Variants in DIP2B observed in about 807,000 individuals in gnomAD.
The protein encoded by DIP2B is DIP2 acetate--CoA ligase B (putative).
DIP2B carries 76 observed loss-of-function variants against 198.0 expected under a neutral mutation model. That is an observed-to-expected ratio of 0.38 (90% confidence interval 0.32 to 0.46). The LOEUF is 0.46. DIP2B is among the 20% of genes least tolerant of loss of function. DIP2B has a pLI of 0.99. For synonymous variants in DIP2B, 701 were observed against 739.1 expected (o/e 0.95, Z 0.84); for missense variants, 1,559 against 1,978.4 (o/e 0.79, Z 4.02).
At chr12:50,549,504 G>A (rs1282228202) in intron 1 of DIP2B, among the ~76,000 whole-genome samples, 1 of 149,284 alleles carries the variant, frequency 6.7e-6, no homozygotes, top group East Asian at 2.0e-4. Flanking sequence ...CACTCCAGCT[G>A]GGTGACAGAG....
At chr12:50,588,703 A>G (rs527351857) in intron 1 of DIP2B, among the ~76,000 whole-genome samples, 5 of 152,244 alleles carry the variant, frequency 3.3e-5, no homozygotes, top group African/African-American at 9.6e-5. Flanking sequence ...GCTGGATTCT[A>G]TATTTACAGC....
rs182626674 is a variant in DIP2B, at chr12:50,546,224, G to A, written c.100+40984G>A. On this transcript the variant is annotated intron_variant, in intron 1 of 37. Coordinates refer to ENST00000301180, the MANE Select transcript of DIP2B (RefSeq NM_173602.3). ...GTTGGTCCTGCTGTTCAGAAATATC[G>A]TTAACTAGTATCAAGTGAGAGGCGG... Among the ~76,000 whole-genome samples, 106 of 152,320 alleles carry A rather than the reference G, an allele frequency of 7.0e-4. 1 individual carries two copies. The highest frequency in any genetic ancestry group is 6.8e-3 in the Middle Eastern group (2 of 294).
intron 1 of DIP2B, among the ~76,000 whole-genome samples, chr12:50,582,644 C>T (rs1350821980): frequency 1.3e-5 from 2 of 152,106 alleles, no homozygotes; most frequent in African/African-American, 2.4e-5. Flanking sequence ...TATGGTGAAT[C>T]TCCATGTACC....
At chr12:50,605,544 C>G (rs1237841741) in intron 1 of DIP2B, among the ~76,000 whole-genome samples, 1 of 152,158 alleles carries the variant, frequency 6.6e-6, no homozygotes, top group Non-Finnish European at 1.5e-5. Context: ...GCCCGGTCAA[C>G]AGAGTGAGAC....
chr12:50,706,651 T>G lies in DIP2B; in HGVS notation c.2520T>G (p.Thr840=), dbSNP rs763105712. ...GATTGGCTGTAGAATCAATAAAGAC[T>G]GTTTATAGAGGAAGGTGAGTAGTAC... ...ATGLAVESIK[T]VYRGRIAVFS... is the part of the protein sequence containing the mutation. The change falls in exon 21 of 38, where the codon ACT becomes ACG. Residue 840 remains threonine, a synonymous_variant. Coordinates refer to ENST00000301180, the MANE Select transcript of DIP2B (RefSeq NM_173602.3). 2 of 1,614,020 alleles carry G rather than the reference T, an allele frequency of 1.2e-6. No homozygotes were observed. The highest frequency in any genetic ancestry group is 3.3e-4 in the Middle Eastern group (2 of 6,060).
intron 1 of DIP2B, among the ~76,000 whole-genome samples, chr12:50,531,640 C>T (rs900615884): frequency 6.6e-5 from 10 of 152,072 alleles, no homozygotes; most frequent in Non-Finnish European, 1.3e-4. Flanking sequence ...GCACTGCAGC[C>T]TGTTGAAAGT....
chr12:50,533,436 A>G (rs1348817257), intron 1 of DIP2B, among the ~76,000 whole-genome samples: 1 of 152,102 alleles, frequency 6.6e-6, no homozygotes, highest in African/African-American at 2.4e-5. Context: ...GCGTCGAACT[A>G]GAGTTTTGGC....
At chr12:50,658,587 A>G (rs1159950421) in intron 3 of DIP2B, among the ~76,000 whole-genome samples, 1 of 152,164 alleles carries the variant, frequency 6.6e-6, no homozygotes, top group Non-Finnish European at 1.5e-5. Context: ...ATAATTAGAC[A>G]TGTGCTAAGG....
intron 1 of DIP2B, among the ~76,000 whole-genome samples, chr12:50,516,608 G>A (rs1958067749): frequency 6.6e-6 from 1 of 151,916 alleles, no homozygotes; most frequent in African/African-American, 2.4e-5. Flanking sequence ...GGAATTTTTG[G>A]GGGACACTGA....
intron 3 of DIP2B, among the ~76,000 whole-genome samples, chr12:50,646,823 A>G (rs1251907038): frequency 6.6e-6 from 1 of 152,090 alleles, no homozygotes; most frequent in Non-Finnish European, 1.5e-5. Context: ...CTAATTGTGA[A>G]CTTTTCTGTC....
At chr12:50,711,145 C>A (rs1168796759) in intron 22 of DIP2B, among the ~76,000 whole-genome samples, 1 of 152,180 alleles carries the variant, frequency 6.6e-6, no homozygotes, top group Admixed American at 6.5e-5. Flanking sequence ...GTGAAAGTCA[C>A]TTGGGTTCCA....
Position 50,745,028 on chromosome 12 carries a change from A to T in DIP2B, c.*189A>T. ...AATTCTGTGATGGCAAATGAAAAAA[A>T]TGTTAACATTTGGTAGACATGTGCT... On this transcript the variant is annotated 3_prime_UTR_variant, in exon 38 of 38. Coordinates refer to ENST00000301180, the MANE Select transcript of DIP2B (RefSeq NM_173602.3). 1 of 726,148 alleles carries T rather than the reference A, an allele frequency of 1.4e-6. No individual in the cohort carries two copies. The highest frequency in any genetic ancestry group is 2.2e-6 in the Non-Finnish European group (1 of 457,324). 45.0% of individuals were successfully genotyped at this position (726,148 alleles called of 1,614,324 possible).
chr12:50,561,377 T>A (rs1335035875), intron 1 of DIP2B, among the ~76,000 whole-genome samples: 1 of 152,202 alleles, frequency 6.6e-6, no homozygotes, highest in Non-Finnish European at 1.5e-5. Context: ...TGTTTCTGAA[T>A]GCAGACCTTT....
chr12:50,652,313 A>AAT (rs1284234888), intron 3 of DIP2B, among the ~76,000 whole-genome samples: 19 of 140,578 alleles, frequency 1.4e-4, no homozygotes, highest in African/African-American at 5.0e-4. Context: ...ACTCTGCAAA[A>AAT]ATATATATAT....
rs954657582 is a variant in DIP2B at position 50,580,410 on chromosome 12, CTTTAA to C, written c.101-45562_101-45558del. 1.3e-4 allele frequency among the ~76,000 whole-genome samples: 20 copies of C among 148,818 alleles called. 1 individual carries two copies. The highest frequency in any genetic ancestry group is 8.3e-4 in the Admixed American group (12 of 14,466). ...CTCTTTTATAATTTAAGCTAATTTC[CTTTAA>C]TTTTATTTTTTAAAATAAAAATAGC... On this transcript the variant is annotated intron_variant, in intron 1 of 37. Coordinates refer to ENST00000301180, the MANE Select transcript of DIP2B (RefSeq NM_173602.3).
intron 1 of DIP2B, among the ~76,000 whole-genome samples, chr12:50,549,315 A>G (rs1167932791): frequency 1.3e-5 from 2 of 152,004 alleles, no homozygotes; most frequent in African/African-American, 4.8e-5. Context: ...AAAAATACAA[A>G]AATTAGAGAT....
intron 3 of DIP2B, among the ~76,000 whole-genome samples, chr12:50,646,741 C>G (rs1240718855): frequency 6.6e-6 from 1 of 151,996 alleles, no homozygotes; most frequent in Admixed American, 6.6e-5. Context: ...TTCTTAATGA[C>G]TTTTACTCTA....
At chr12:50,691,229 A>T in intron 13 of DIP2B, 78 bp downstream of exon 13, 1 of 1,283,748 alleles carries the variant, frequency 7.8e-7, no homozygotes, top group Non-Finnish European at 1.1e-6. Flanking sequence ...CAGTGATTGG[A>T]CCTCATTTAA....
At chr12:50,602,209 T>C (rs538131561) in intron 1 of DIP2B, among the ~76,000 whole-genome samples, 1 of 152,338 alleles carries the variant, frequency 6.6e-6, no homozygotes, top group East Asian at 1.9e-4. Context: ...GGTATAGTTG[T>C]ACCAAAGATA....
Sources: gnomAD v4.1 joint callset for allele counts (sites outside exome capture counted in the v4.1 genomes callset) on GRCh38, gnomAD v4.1.1 for gene constraint, MANE v1.5 for transcripts, NCBI Gene and HGNC (gene_info 2026-07-23, HGNC 2026-07-21) for gene names.